The following CLYBL variants were observed in gnomAD, a reference collection of about 807,000 sequenced individuals.
CLYBL encodes the protein citramalyl-CoA lyase, mitochondrial.
A neutral mutation model predicts 38.9 loss-of-function variants in CLYBL; 31 were observed. The observed-to-expected ratio is 0.80, with a 90% confidence interval of 0.60 to 1.08. The LOEUF (loss-of-function observed/expected upper bound fraction) is 1.08, where lower values mean the gene tolerates loss of function less well. Among genes scored for constraint, CLYBL ranks in the 50% least tolerant of loss-of-function variants. The pLI, the probability that CLYBL is intolerant of heterozygous loss-of-function variation, is 0.00. For missense variants in CLYBL, 434 were observed against 411.6 expected (o/e 1.05, Z -0.47); for synonymous variants, 171 against 158.6 (o/e 1.08, Z -0.59).
rs546998940 is a variant in CLYBL, at chr13:99,771,020, C to CTTTT, written c.63-1776_63-1773dup. ...CAGGCGTAAGCCACCACGCGGGGCCCTTTTTTTTTTTTTTTTTTTTTTTTT... is the reference window on the plus strand; with the variant it reads ...CAGGCGTAAGCCACCACGCGGGGCCCTTTTTTTTTTTTTTTTTTTTTTTTTTTTT... On this transcript the variant is annotated intron_variant, in intron 1 of 8. Transcript: ENST00000339105. Among the ~76,000 whole-genome samples, 354 of 120,162 alleles carry CTTTT rather than the reference C, an allele frequency of 2.9e-3. 5 individuals carry two copies. The highest frequency in any genetic ancestry group is 9.8e-3 in the African/African-American group (272 of 27,650). 78.8% of individuals were successfully genotyped at this position (120,162 alleles called of 152,430 possible).
At chr13:99,812,828 G>A (rs926872789) in intron 2 of CLYBL, among the ~76,000 whole-genome samples, 9 of 152,196 alleles carry the variant, frequency 5.9e-5, no homozygotes, top group African/African-American at 1.9e-4. Context: ...CTGGATGGTA[G>A]CAGCCCTGGA....
intron 2 of CLYBL, among the ~76,000 whole-genome samples, chr13:99,826,913 T>C: frequency 6.6e-6 from 1 of 152,166 alleles, no homozygotes. Context: ...GTTGTAAGCT[T>C]TAGGTGTCAA....
chr13:99,824,781 CCTGA>C (rs1218220478), intron 2 of CLYBL, among the ~76,000 whole-genome samples: 1 of 152,222 alleles, frequency 6.6e-6, no homozygotes, highest in African/African-American at 2.4e-5. Flanking sequence ...TCAAGATATG[CCTGA>C]CTGAGAATGT....
intron 3 of CLYBL, 49 bp downstream of exon 3, chr13:99,859,098 G>A (rs2051534777): frequency 2.7e-6 from 4 of 1,492,950 alleles, no homozygotes; most frequent in Non-Finnish European, 3.6e-6. Context: ...CTAAGGAGGA[G>A]TAGCAGGAAG....
intron 1 of CLYBL, among the ~76,000 whole-genome samples, chr13:99,723,449 C>G (rs1321163630): frequency 6.6e-6 from 1 of 152,202 alleles, no homozygotes; most frequent in East Asian, 1.9e-4. Context: ...CAAACAGTAT[C>G]TTCTTGGCAG....
rs61974373 is a variant in CLYBL, at chr13:99,640,043, A to G, written c.62+33286A>G. On this transcript the variant is annotated intron_variant, in intron 1 of 8. Coordinates refer to ENST00000339105, the MANE Select transcript of CLYBL (RefSeq NM_206808.5). The stretch of plus-strand genomic sequence containing the variant: ...ACATAGTTGAACATTTCTATTCTCT[A>G]TGTAGTTTAGACTTTAATTAAACAG... Among the ~76,000 whole-genome samples the G allele has an allele frequency of 4.8e-3, 729 of 152,352 alleles. 2 individuals carry two copies. Among genetic ancestry groups the G allele is most frequent in the South Asian group, 0.016 (78 of 4,830 alleles).
At chr13:99,750,780 AT>A (rs2048941927) in intron 1 of CLYBL, among the ~76,000 whole-genome samples, 1 of 152,098 alleles carries the variant, frequency 6.6e-6, no homozygotes, top group Admixed American at 6.6e-5. Flanking sequence ...ACTTACTTAA[AT>A]TTATTAGAAA....
intron 2 of CLYBL, among the ~76,000 whole-genome samples, chr13:99,827,728 A>G (rs909680174): frequency 2.0e-5 from 3 of 152,202 alleles, no homozygotes; most frequent in African/African-American, 7.2e-5. Context: ...AGCTCTTGAA[A>G]TATTTATATT....
At chr13:99,906,223 CAATAA>C (rs1213330133) in intron 9 of CLYBL, among the ~76,000 whole-genome samples, 1 of 152,118 alleles carries the variant, frequency 6.6e-6, no homozygotes, top group East Asian at 1.9e-4. Context: ...ATAAAATAAA[CAATAA>C]AATAAGTAAA....
At chr13:99,725,042 C>T (rs2048450335) in intron 1 of CLYBL, among the ~76,000 whole-genome samples, 1 of 152,184 alleles carries the variant, frequency 6.6e-6, no homozygotes, top group East Asian at 1.9e-4. Flanking sequence ...ATTGCTGAGG[C>T]TGAAAGTTCT....
At position 99,862,861 on chromosome 13, in the gene CLYBL, CT is replaced by C; in HGVS notation, c.439-126del. The stretch of plus-strand genomic sequence containing the variant: ...TTCTTCTTATTTTTTTAAAAAAATT[CT>C]TTTGTGTGGACGAAAGAGGCTTGGA... On this transcript the variant is annotated intron_variant, in intron 3 of 8. Coordinates refer to ENST00000339105, the MANE Select transcript of CLYBL (RefSeq NM_206808.5). 4.7e-6 allele frequency: 2 copies of C among 430,024 alleles called. 1 individual carries two copies. Among genetic ancestry groups the C allele is most frequent in the Admixed American group, 8.5e-5 (2 of 23,424 alleles). 26.6% of individuals were successfully genotyped at this position (430,024 alleles called of 1,614,324 possible). A position where few individuals can be genotyped will look rare whatever the true frequency, so the allele number is the denominator to read the frequency against.
chr13:99,746,682 A>G (rs1213118094), intron 1 of CLYBL, among the ~76,000 whole-genome samples: 1 of 152,220 alleles, frequency 6.6e-6, no homozygotes. Context: ...ACAGAGGCAA[A>G]GAGAACTCAG....
At chr13:99,644,315 C>T (rs1594098872) in intron 1 of CLYBL, among the ~76,000 whole-genome samples, 1 of 152,048 alleles carries the variant, frequency 6.6e-6, no homozygotes, top group East Asian at 1.9e-4. Context: ...ACACTTCTTC[C>T]TGTGGGTTGC....
At chr13:99,652,627 C>G (rs1490647571) in intron 1 of CLYBL, among the ~76,000 whole-genome samples, 5 of 152,190 alleles carry the variant, frequency 3.3e-5, no homozygotes, top group African/African-American at 1.2e-4. Context: ...AAAGTAGGAC[C>G]TGTGGGTGCA....
intron 1 of CLYBL, among the ~76,000 whole-genome samples, chr13:99,643,533 TTTATAA>T (rs531356620): frequency 2.1e-3 from 324 of 152,300 alleles, no homozygotes; most frequent in Non-Finnish European, 3.9e-3. Context: ...TATATTTCTG[TTTATAA>T]TTATAATTTC....
At chr13:99,650,146 C>A (rs1249384308) in intron 1 of CLYBL, among the ~76,000 whole-genome samples, 1 of 151,918 alleles carries the variant, frequency 6.6e-6, no homozygotes, top group East Asian at 2.0e-4. Flanking sequence ...GCCTATAGTC[C>A]CAGCTACTCG....
At chr13:99,895,646 G>C (rs935444324), downstream of CLYBL, 28 of 152,350 alleles carry the variant, frequency 1.8e-4, no homozygotes, top group Admixed American at 1.8e-3. Flanking sequence ...CTCTGCGCGG[G>C]CTGGTTTTGG....
chr13:99,791,642 C>T (rs1469547813), intron 2 of CLYBL, among the ~76,000 whole-genome samples: 1 of 152,102 alleles, frequency 6.6e-6, no homozygotes, highest in Non-Finnish European at 1.5e-5. Context: ...AGTAGTATTC[C>T]ACCCCACAGA....
At position 99,709,911 on chromosome 13, in the gene CLYBL, T is replaced by C. The variant is rs533129218; in HGVS notation, c.63-62913T>C. Among the ~76,000 whole-genome samples the C allele has an allele frequency of 4.0e-4, 58 of 145,440 alleles. No homozygotes were observed. In the East Asian group the frequency reaches 9.3e-3, roughly 23 times the overall value. On this transcript the variant is annotated intron_variant, in intron 1 of 8. Coordinates refer to ENST00000339105, the MANE Select transcript of CLYBL (RefSeq NM_206808.5). Reference sequence around the variant, plus strand: ...CTGGTTTCGCCCCTACCTTTTTTTTTTTTCTTTCTTTCTTTTTTTTTTTTT... The same window carrying C: ...CTGGTTTCGCCCCTACCTTTTTTTTCTTTCTTTCTTTCTTTTTTTTTTTTT...
Sources: allele counts gnomAD v4.1 joint callset (sites outside exome capture counted in the v4.1 genomes callset), GRCh38; gene constraint gnomAD v4.1.1; transcripts MANE v1.5; gene names NCBI Gene and HGNC (gene_info 2026-07-23, HGNC 2026-07-21).